Variants in DTNBP1 observed in about 807,000 individuals in gnomAD.
The protein encoded by DTNBP1 is dystrobrevin binding protein 1, also known as dysbindin.
Under a neutral mutation model 42.8 loss-of-function variants are expected in DTNBP1, and 35 were observed. That is an observed-to-expected ratio of 0.82 (90% confidence interval 0.63 to 1.09). The LOEUF is 1.09. Among genes scored for constraint, DTNBP1 ranks in the 50% least tolerant of loss-of-function variants. The pLI, the probability that DTNBP1 is intolerant of heterozygous loss-of-function variation, is 0.00. For missense variants in DTNBP1, 457 were observed against 424.2 expected (o/e 1.08, Z -0.68); for synonymous variants, 171 against 162.2 (o/e 1.05, Z -0.41).
At chr6:15,655,729 C>T (rs1191132820) in intron 1 of DTNBP1, among the ~76,000 whole-genome samples, 1 of 150,026 alleles carries the variant, frequency 6.7e-6, no homozygotes, top group East Asian at 1.9e-4. Context: ...TGATTGTTTC[C>T]AACTATTATT....
chr6:15,522,975 T>C lies in DTNBP1; in HGVS notation c.1056A>G (p.Ter352=). The stretch of plus-strand genomic sequence containing the variant: ...GGCCAGACAACGCCCATGTCCCAAT[T>C]TAAGAGTCGCTGTCCTCACCACCAT... ...TPDGGEDSDS[*] Residue 352 remains the stop codon, a stop_retained_variant, in exon 10 of 10, where the codon TAA becomes TAG. Coordinates refer to ENST00000344537, the MANE Select transcript of DTNBP1 (RefSeq NM_032122.5). 1 of 1,614,180 alleles carries C rather than the reference T, an allele frequency of 6.2e-7. No individual in the cohort carries two copies. The highest frequency in any genetic ancestry group is 1.1e-5 in the South Asian group (1 of 91,080).
chr6:15,613,169 C>G (rs976866976), intron 6 of DTNBP1, among the ~76,000 whole-genome samples: 2 of 151,596 alleles, frequency 1.3e-5, no homozygotes, highest in African/African-American at 4.8e-5. Context: ...ATTTGCTGGG[C>G]GTGGTGGTGT....
chr6:15,585,210 T>A (rs974464279), intron 7 of DTNBP1, among the ~76,000 whole-genome samples: 1 of 150,606 alleles, frequency 6.6e-6, no homozygotes, highest in Non-Finnish European at 1.5e-5. Context: ...AATTTTAACT[T>A]TATACTATCT....
In DTNBP1 at chr6:15,555,182, TA is replaced by T. The variant is rs1464749223; in HGVS notation, c.512-21788del. On this transcript the variant is annotated intron_variant, in intron 7 of 9. Coordinates refer to ENST00000344537, the MANE Select transcript of DTNBP1 (RefSeq NM_032122.5). The stretch of plus-strand genomic sequence containing the variant: ...GGATTTTATTTCTCACTCCCCTACA[TA>T]AATACGCACACAAGATAAAACACTT... Among the ~76,000 whole-genome samples, 3 of 149,222 alleles carry T rather than the reference TA, an allele frequency of 2.0e-5. No individual in the cohort carries two copies. The East Asian group carries it at 5.9e-4, about 29-fold the overall frequency.
intron 4 of DTNBP1, among the ~76,000 whole-genome samples, chr6:15,633,292 G>A (rs1290324591): frequency 2.6e-5 from 4 of 152,206 alleles, no homozygotes; most frequent in Admixed American, 6.5e-5. Context: ...GGTTATAGCT[G>A]CCATAGATAG....
intron 7 of DTNBP1, among the ~76,000 whole-genome samples, chr6:15,541,864 T>C (rs1475028568): frequency 3.3e-5 from 5 of 152,142 alleles, no homozygotes; most frequent in Non-Finnish European, 7.4e-5. Context: ...ACTAAGCCTT[T>C]TAACCGAGAT....
chr6:15,542,572 T>A (rs1331336927), intron 7 of DTNBP1, among the ~76,000 whole-genome samples: 1 of 151,874 alleles, frequency 6.6e-6, no homozygotes, highest in Admixed American at 6.6e-5. Context: ...GGGTTTCACA[T>A]TGTTTGACAG....
At chr6:15,546,326 A>G (rs1437787787) in intron 7 of DTNBP1, among the ~76,000 whole-genome samples, 1 of 151,822 alleles carries the variant, frequency 6.6e-6, no homozygotes, top group East Asian at 1.9e-4. Context: ...CAGCCTCCCA[A>G]AGTGCTGGGT....
intron 3 of DTNBP1, among the ~76,000 whole-genome samples, chr6:15,650,591 T>C (rs934448454): frequency 3.3e-5 from 5 of 152,278 alleles, no homozygotes; most frequent in African/African-American, 1.2e-4. Context: ...CTCATTGTGG[T>C]TTTGATTTGC....
At chr6:15,629,308 C>T (rs1221830625) in intron 4 of DTNBP1, among the ~76,000 whole-genome samples, 1 of 151,292 alleles carries the variant, frequency 6.6e-6, no homozygotes, top group Non-Finnish European at 1.5e-5. Flanking sequence ...AGATTTTAAA[C>T]TCTAAAAAAA....
At chr6:15,637,307 G>C (rs754856775) in intron 4 of DTNBP1, among the ~76,000 whole-genome samples, 3 of 152,036 alleles carry the variant, frequency 2.0e-5, no homozygotes, top group Non-Finnish European at 1.5e-5. Flanking sequence ...TGAAATTTTT[G>C]TATTTATTTG....
intron 5 of DTNBP1, among the ~76,000 whole-genome samples, chr6:15,623,825 C>G (rs1034948615): frequency 2.0e-5 from 3 of 152,184 alleles, no homozygotes; most frequent in Non-Finnish European, 2.9e-5. Flanking sequence ...TGCATAGAAT[C>G]TGGATAAAAA....
At chr6:15,606,413 T>TTGGTGTGG (rs907820502) in intron 6 of DTNBP1, among the ~76,000 whole-genome samples, 1 of 152,028 alleles carries the variant, frequency 6.6e-6, no homozygotes, top group Non-Finnish European at 1.5e-5. Flanking sequence ...CACATTTGGG[T>TTGGTGTGG]TGGTGTGGTG....
intron 6 of DTNBP1, among the ~76,000 whole-genome samples, chr6:15,608,546 C>T (rs1758205466): frequency 6.6e-6 from 1 of 152,230 alleles, no homozygotes; most frequent in Non-Finnish European, 1.5e-5. Context: ...GGTGTCTCTT[C>T]TGAACAGAAT....
rs7771963 is a variant in DTNBP1, at chr6:15,592,995, G to A, written c.511+64C>T. ...AAAAATGAGTTTGTTCATCATTGTC[G>A]AGAGAACATCTGATACCAATGAACT... On this transcript the variant is annotated intron_variant, in intron 7 of 9. Transcript: ENST00000344537. The A allele has an allele frequency of 3.0e-3, 4,226 of 1,418,638 alleles. 119 individuals are homozygous for A. The African/African-American group carries it at 0.055, about 19-fold the overall frequency. 87.9% of individuals were successfully genotyped at this position (1,418,638 alleles called of 1,614,324 possible).
intron 6 of DTNBP1, among the ~76,000 whole-genome samples, chr6:15,599,335 C>A (rs996397572): frequency 6.6e-6 from 1 of 152,172 alleles, no homozygotes; most frequent in African/African-American, 2.4e-5. Flanking sequence ...GGTATCATCA[C>A]CCTCACTTAA....
At chr6:15,543,184 C>T (rs762431836) in intron 7 of DTNBP1, among the ~76,000 whole-genome samples, 1 of 152,062 alleles carries the variant, frequency 6.6e-6, no homozygotes, top group Non-Finnish European at 1.5e-5. Context: ...GGATTTTTCC[C>T]CCCATTAGGA....
intron 6 of DTNBP1, among the ~76,000 whole-genome samples, chr6:15,600,378 T>A (rs1776682616): frequency 6.6e-6 from 1 of 152,210 alleles, no homozygotes; most frequent in African/African-American, 2.4e-5. Context: ...CCTACTCAAA[T>A]GGTCATTGTG....
intron 5 of DTNBP1, among the ~76,000 whole-genome samples, chr6:15,621,848 T>C (rs1759061161): frequency 6.6e-6 from 1 of 152,174 alleles, no homozygotes; most frequent in South Asian, 2.1e-4. Flanking sequence ...AACCCCGGCC[T>C]GTCTTTTCAG....
Sources: gnomAD v4.1 joint callset for allele counts (sites outside exome capture counted in the v4.1 genomes callset) on GRCh38, gnomAD v4.1.1 for gene constraint, MANE v1.5 for transcripts, NCBI Gene and HGNC (gene_info 2026-07-23, HGNC 2026-07-21) for gene names.